The following PCDH7 variants were observed in gnomAD, a reference collection of about 807,000 sequenced individuals.
PCDH7 encodes protocadherin-7.
Under a neutral mutation model 58.9 loss-of-function variants are expected in PCDH7, and 17 were observed. The observed-to-expected ratio is 0.29, with a 90% CI of 0.20 to 0.43. The LOEUF is 0.43. Ranked by LOEUF, PCDH7 falls within the 20% of genes least tolerant of loss-of-function variation. PCDH7 has a pLI of 1.00. For missense variants in PCDH7, 1,274 were observed against 1,441.0 expected (o/e 0.88, Z 1.88); for synonymous variants, 664 against 616.4 (o/e 1.08, Z -1.14).
chr4:30,728,497 G>A (rs1490418710), intron 1 of PCDH7, among the ~76,000 whole-genome samples: 1 of 151,538 alleles, frequency 6.6e-6, no homozygotes, highest in Admixed American at 6.6e-5. Context: ...CATTTGGCCT[G>A]ATACCATAGG....
intron 1 of PCDH7, among the ~76,000 whole-genome samples, chr4:30,780,943 T>C (rs1722696283): frequency 6.6e-6 from 1 of 152,136 alleles, no homozygotes; most frequent in South Asian, 2.1e-4. Flanking sequence ...CCTGTCAACT[T>C]TGTACATATA....
At chr4:30,824,515 C>T (rs765834525) in intron 1 of PCDH7, among the ~76,000 whole-genome samples, 3 of 152,020 alleles carry the variant, frequency 2.0e-5, no homozygotes, top group Non-Finnish European at 4.4e-5. Context: ...CCAATCACAA[C>T]TAGTTGATAG....
chr4:30,770,721 A>G (rs747257801), intron 1 of PCDH7, among the ~76,000 whole-genome samples: 3 of 152,176 alleles, frequency 2.0e-5, no homozygotes, highest in African/African-American at 7.2e-5. Flanking sequence ...CAACTTCCCC[A>G]TTAAAAAACT....
chr4:31,036,188 C>CT (rs577952784), intron 3 of PCDH7, among the ~76,000 whole-genome samples: 146 of 152,096 alleles, frequency 9.6e-4, no homozygotes, highest in African/African-American at 3.3e-3. Context: ...AATTGTAGTT[C>CT]TTTTTTTGTA....
intron 3 of PCDH7, among the ~76,000 whole-genome samples, chr4:31,075,079 C>G (rs1258220215): frequency 6.6e-6 from 1 of 152,042 alleles, no homozygotes; most frequent in Admixed American, 6.6e-5. Flanking sequence ...TTTTTACAAA[C>G]AGAGACAAAT....
intron 3 of PCDH7, among the ~76,000 whole-genome samples, chr4:30,964,337 G>T (rs1486591044): frequency 1.3e-5 from 2 of 151,586 alleles, no homozygotes; most frequent in Non-Finnish European, 2.9e-5. Flanking sequence ...TGCCTCTTGG[G>T]TTCACGACAT....
intron 1 of PCDH7, among the ~76,000 whole-genome samples, chr4:30,784,877 T>C (rs1316299851): frequency 6.6e-6 from 1 of 152,022 alleles, no homozygotes; most frequent in Non-Finnish European, 1.5e-5. Context: ...TAAAATATGA[T>C]AAACAATAGA....
At chr4:31,063,794 G>A (rs1452036164) in intron 3 of PCDH7, among the ~76,000 whole-genome samples, 6 of 151,882 alleles carry the variant, frequency 4.0e-5, no homozygotes, top group Non-Finnish European at 7.4e-5. Flanking sequence ...ATTGACATGA[G>A]CATTTCTAGA....
chr4:30,965,669 T>C (rs1041852295), intron 3 of PCDH7, among the ~76,000 whole-genome samples: 5 of 152,078 alleles, frequency 3.3e-5, no homozygotes, highest in African/African-American at 9.7e-5. Context: ...TCTCATTCTA[T>C]GCCATCATTT....
intron 3 of PCDH7, among the ~76,000 whole-genome samples, chr4:31,068,271 C>T (rs1299234517): frequency 6.6e-6 from 1 of 151,000 alleles, no homozygotes; most frequent in Non-Finnish European, 1.5e-5. Context: ...CTGTATCTTC[C>T]TCTCAATTTT....
At chr4:31,014,782 G>A (rs983046244) in intron 3 of PCDH7, among the ~76,000 whole-genome samples, 1 of 152,030 alleles carries the variant, frequency 6.6e-6, no homozygotes. Context: ...GTATCATTTA[G>A]TTTTCTGATA....
At chr4:31,068,661 A>G (rs1758291223) in intron 3 of PCDH7, among the ~76,000 whole-genome samples, 1 of 151,988 alleles carries the variant, frequency 6.6e-6, no homozygotes, top group Admixed American at 6.6e-5. Flanking sequence ...TCCCCTCATA[A>G]CTGTCGAGGG....
chr4:30,836,522 T>TAAAG lies in PCDH7; in HGVS notation c.71-83628_71-83625dup, dbSNP rs571688541. On this transcript the variant is annotated intron_variant, in intron 1 of 3. Transcript: ENST00000509759. The stretch of plus-strand genomic sequence containing the variant: ...TATGGAAATCCCCTAAGTTGCTTTA[T>TAAAG]AAAGAATAACCAATGCTGCCCAGGA... 2.4e-4 allele frequency among the ~76,000 whole-genome samples: 36 copies of TAAAG among 152,348 alleles called. 2 individuals carry two copies. The East Asian group carries it at 5.8e-3, about 24-fold the overall frequency.
chr4:31,061,770 A>C (rs1757707959), intron 3 of PCDH7, among the ~76,000 whole-genome samples: 1 of 151,642 alleles, frequency 6.6e-6, no homozygotes, highest in African/African-American at 2.4e-5. Flanking sequence ...TTGAAAGTGA[A>C]ATTTTTACTG....
chr4:31,139,676 A>T (rs1262679153), intron 3 of PCDH7, among the ~76,000 whole-genome samples: 3 of 152,250 alleles, frequency 2.0e-5, no homozygotes, highest in Admixed American at 2.0e-4. Flanking sequence ...TTCTTTAATA[A>T]GTTGCATCGT....
chr4:30,915,908 A>G (rs1051040464), intron 1 of PCDH7, among the ~76,000 whole-genome samples: 1 of 151,910 alleles, frequency 6.6e-6, no homozygotes, highest in Non-Finnish European at 1.5e-5. Flanking sequence ...TATCTATCCA[A>G]TTTCTTTTAG....
At chr4:31,119,870 C>T (rs1717447023) in intron 3 of PCDH7, among the ~76,000 whole-genome samples, 1 of 152,066 alleles carries the variant, frequency 6.6e-6, no homozygotes, top group Non-Finnish European at 1.5e-5. Context: ...CTGCCATTTT[C>T]CCTCTTAGTG....
chr4:30,967,231 A>G (rs1251218863), intron 3 of PCDH7, among the ~76,000 whole-genome samples: 1 of 152,146 alleles, frequency 6.6e-6, no homozygotes, highest in East Asian at 1.9e-4. Flanking sequence ...TCAGTCATAA[A>G]CACAATTGAT....
chr4:30,783,026 T>C (rs1262879669), intron 1 of PCDH7: 2 of 152,148 alleles, frequency 1.3e-5, no homozygotes, highest in African/African-American at 2.4e-5. Context: ...CAGTAATTAA[T>C]AATTATTGTC....
Sources: allele counts gnomAD v4.1 joint callset (sites outside exome capture counted in the v4.1 genomes callset), GRCh38; gene constraint gnomAD v4.1.1; transcripts MANE v1.5; gene names NCBI Gene and HGNC (gene_info 2026-07-23, HGNC 2026-07-21).